The following MNAT1 variants were observed in gnomAD, a reference collection of about 807,000 sequenced individuals.
MNAT1 encodes the protein CDK-activating kinase assembly factor MAT1.
MNAT1 carries 43 observed loss-of-function variants against 42.0 expected under a neutral mutation model. The observed-to-expected ratio is 1.02, with a 90% CI of 0.80 to 1.32. MNAT1 has a LOEUF of 1.32. MNAT1 is among the 40% of genes most tolerant of loss of function. MNAT1 has a pLI of 0.00. For synonymous variants in MNAT1, 118 were observed against 120.0 expected (o/e 0.98, Z 0.11); for missense variants, 306 against 350.4 (o/e 0.87, Z 1.01).
chr14:60,832,075 A>G (rs2033241816), intron 6 of MNAT1, among the ~76,000 whole-genome samples: 1 of 152,096 alleles, frequency 6.6e-6, no homozygotes, highest in South Asian at 2.1e-4. Context: ...GATTCCAGAT[A>G]TTAGCCCTTT....
At chr14:60,745,748 C>T (rs1896594329) in intron 1 of MNAT1, among the ~76,000 whole-genome samples, 3 of 152,126 alleles carry the variant, frequency 2.0e-5, no homozygotes, top group African/African-American at 4.8e-5. Context: ...TTTTCTTTGC[C>T]TCAAAATTGG....
chr14:60,792,821 A>G (rs1465334539), intron 1 of MNAT1, among the ~76,000 whole-genome samples: 2 of 152,204 alleles, frequency 1.3e-5, no homozygotes, highest in Non-Finnish European at 2.9e-5. Context: ...AAAACCATAA[A>G]AATATTTTTG....
intron 7 of MNAT1, among the ~76,000 whole-genome samples, chr14:60,911,573 C>T (rs1028496618): frequency 3.3e-5 from 5 of 152,108 alleles, no homozygotes; most frequent in Admixed American, 3.3e-4. Context: ...GCCTTCATTT[C>T]ATTGTGTACC....
chr14:60,912,188 A>C (rs1214505109), intron 7 of MNAT1, among the ~76,000 whole-genome samples: 1 of 151,936 alleles, frequency 6.6e-6, no homozygotes, highest in Non-Finnish European at 1.5e-5. Flanking sequence ...ATCTTCCTCC[A>C]TCCCTTTATT....
intron 6 of MNAT1, among the ~76,000 whole-genome samples, chr14:60,875,277 T>C (rs1180546112): frequency 6.6e-6 from 1 of 152,074 alleles, no homozygotes. Context: ...AAATAGGATA[T>C]TAAAAGGCAG....
chr14:60,872,726 A>G (rs2034353147), intron 6 of MNAT1, among the ~76,000 whole-genome samples: 1 of 151,730 alleles, frequency 6.6e-6, no homozygotes, highest in Non-Finnish European at 1.5e-5. Flanking sequence ...ACATTTTATA[A>G]TGAAAAATTT....
intron 7 of MNAT1, among the ~76,000 whole-genome samples, chr14:60,908,437 C>T (rs1204201740): frequency 6.6e-6 from 1 of 152,052 alleles, no homozygotes; most frequent in Non-Finnish European, 1.5e-5. Context: ...CGTCATTTAA[C>T]ATTAGGTATA....
rs974436509 is a variant in MNAT1 at position 60,936,861 on chromosome 14, A to G, written c.810-31368A>G. ...CCACCAACAGTGTAAAAGTGTTCCT[A>G]TTTCTCCACATCCTCTCCAGCACCT... is the stretch of plus-strand genomic sequence containing the variant. On this transcript the variant is annotated intron_variant, in intron 7 of 7. Coordinates refer to ENST00000261245, the MANE Select transcript of MNAT1 (RefSeq NM_002431.4). Among the ~76,000 whole-genome samples, 181 of 152,044 alleles carry G rather than the reference A, an allele frequency of 1.2e-3. 1 individual carries two copies. The highest frequency in any genetic ancestry group is 2.4e-3 in the Non-Finnish European group (160 of 67,970).
chr14:60,808,594 C>G (rs2032451245), intron 4 of MNAT1, 166 bp downstream of exon 4: 2 of 446,232 alleles, frequency 4.5e-6, no homozygotes, highest in African/African-American at 4.2e-5. Context: ...GGTAGGCAGG[C>G]ACACATTACT....
intron 6 of MNAT1, among the ~76,000 whole-genome samples, chr14:60,836,258 C>G (rs2139392739): frequency 6.6e-6 from 1 of 152,302 alleles, no homozygotes; most frequent in Non-Finnish European, 1.5e-5. Context: ...AACTCATTCT[C>G]TGTCCAGTTT....
At chr14:60,940,663 C>T (rs1050795434) in intron 7 of MNAT1, among the ~76,000 whole-genome samples, 19 of 152,264 alleles carry the variant, frequency 1.2e-4, no homozygotes, top group Admixed American at 4.6e-4. Context: ...ATGATCTGCC[C>T]GCCTTGGTCC....
chr14:60,958,782 G>A (rs1041739820), intron 7 of MNAT1, among the ~76,000 whole-genome samples: 19 of 151,370 alleles, frequency 1.3e-4, no homozygotes, highest in Non-Finnish European at 2.1e-4. Context: ...GACTACAGGC[G>A]CCCACCACCA....
At chr14:60,795,662 G>C (rs2031990885) in intron 1 of MNAT1, among the ~76,000 whole-genome samples, 1 of 152,160 alleles carries the variant, frequency 6.6e-6, no homozygotes, top group African/African-American at 2.4e-5. Flanking sequence ...ACACATACTG[G>C]AGCGCTCAAA....
intron 6 of MNAT1, among the ~76,000 whole-genome samples, chr14:60,877,881 C>T (rs1471950312): frequency 6.6e-6 from 1 of 151,714 alleles, no homozygotes; most frequent in East Asian, 1.9e-4. Flanking sequence ...TGTTTTCATC[C>T]AATTTAGTTT....
chr14:60,796,147 G>A, intron 1 of MNAT1, 70 bp from the exon 2 acceptor site: 2 of 1,411,566 alleles, frequency 1.4e-6, no homozygotes, highest in South Asian at 1.5e-5. Context: ...TCCCATAGGG[G>A]CAAACTATTC....
intron 7 of MNAT1, among the ~76,000 whole-genome samples, chr14:60,887,124 T>C (rs943221878): frequency 6.6e-6 from 1 of 152,152 alleles, no homozygotes; most frequent in Non-Finnish European, 1.5e-5. Flanking sequence ...GATCATGTGG[T>C]TTTTATTTTT....
At chr14:60,829,763 G>A (rs879318120) in intron 6 of MNAT1, among the ~76,000 whole-genome samples, 1 of 152,168 alleles carries the variant, frequency 6.6e-6, no homozygotes, top group African/African-American at 2.4e-5. Context: ...TCTTAGCCTA[G>A]GATGTAGAAA....
chr14:60,853,845 C>G (rs2033890398), intron 6 of MNAT1, among the ~76,000 whole-genome samples: 1 of 152,144 alleles, frequency 6.6e-6, no homozygotes, highest in Non-Finnish European at 1.5e-5. Flanking sequence ...TGATTGATTA[C>G]ATTTTTTGAT....
At chr14:60,874,345 A>T (rs1205042210) in intron 6 of MNAT1, among the ~76,000 whole-genome samples, 1 of 151,950 alleles carries the variant, frequency 6.6e-6, no homozygotes, top group Non-Finnish European at 1.5e-5. Flanking sequence ...GCTCAGGTTT[A>T]CTTATTGTCT....
Sources: allele counts gnomAD v4.1 joint callset (sites outside exome capture counted in the v4.1 genomes callset), GRCh38; gene constraint gnomAD v4.1.1; transcripts MANE v1.5; gene names NCBI Gene and HGNC (gene_info 2026-07-23, HGNC 2026-07-21).